RBSN: variants seen among roughly 807,000 people sequenced by gnomAD.
RBSN encodes rabenosyn-5.
RBSN carries 34 observed loss-of-function variants against 60.5 expected under a neutral mutation model. The observed-to-expected ratio is 0.56, with a 90% CI of 0.43 to 0.75. The LOEUF (loss-of-function observed/expected upper bound fraction) is 0.75, where lower values mean the gene tolerates loss of function less well. Ranked by LOEUF, RBSN falls within the 30% of genes least tolerant of loss-of-function variation. The pLI, the probability that RBSN is intolerant of heterozygous loss-of-function variation, is 0.00. For synonymous variants in RBSN, 322 were observed against 366.9 expected, an observed-to-expected ratio of 0.88 and a Z score of 1.40; for missense variants, 845 against 986.8, an observed-to-expected ratio of 0.86 and a Z score of 1.92.
intron 4 of RBSN, chr3:15,091,210 CAAAAAA>C (rs55655564): frequency 0.086 from 9,933 of 115,906 alleles, 394 homozygotes; most frequent in East Asian, 0.43. Flanking sequence ...GACCCTGTCT[CAAAAAA>C]AAAAAAAAAA....
intron 5 of RBSN, among the ~76,000 whole-genome samples, chr3:15,087,523 C>CA (rs1390761227): frequency 6.6e-6 from 1 of 151,246 alleles, no homozygotes; most frequent in Non-Finnish European, 1.5e-5. Flanking sequence ...AACAAACAAA[C>CA]AAAAAACTAT....
chr3:15,073,374 A>G lies in RBSN; in HGVS notation c.*408T>C. On this transcript the variant is annotated 3_prime_UTR_variant, in exon 14 of 14. Coordinates refer to ENST00000253699, the MANE Select transcript of RBSN (RefSeq NM_022340.4). ...GGAAGGGCTCTAAAAAGGCTGCCCT[A>G]TAATACTGCATAAGGAACCAAGACT... The G allele has an allele frequency of 5.6e-6, 1 of 178,628 alleles. No homozygotes were observed. Among genetic ancestry groups the G allele is most frequent in the Non-Finnish European group, 1.2e-5 (1 of 84,198 alleles). 11.1% of individuals were successfully genotyped at this position (178,628 alleles called of 1,614,324 possible). A position where few individuals can be genotyped will look rare whatever the true frequency, so the allele number is the denominator to read the frequency against.
Position 15,073,519 on chromosome 3 carries a change from C to G in RBSN, c.*263G>C, listed in dbSNP as rs2042967608. 2 of 436,298 alleles carry G rather than the reference C, an allele frequency of 4.6e-6. No individual in the cohort carries two copies. The highest frequency in any genetic ancestry group is 4.0e-5 in the South Asian group (1 of 24,796). The allele number at this position is 436,298 out of a possible 1,614,324, so 27.0% of individuals were successfully genotyped here. On this transcript the variant is annotated 3_prime_UTR_variant, in exon 14 of 14. Coordinates refer to ENST00000253699, the MANE Select transcript of RBSN (RefSeq NM_022340.4). ...TAAAGTCCCTTCAAAAGGGGTAAACCTCCGATTACAAAAGATAGTAATAAT... is the reference window on the plus strand; with the variant it reads ...TAAAGTCCCTTCAAAAGGGGTAAACGTCCGATTACAAAAGATAGTAATAAT...
chr3:15,095,662 C>T (rs1394542032), intron 4 of RBSN: 6 of 499,216 alleles, frequency 1.2e-5, no homozygotes, highest in Non-Finnish European at 2.1e-5. Context: ...AAAGAACAGT[C>T]AAGCCAGATC....
chr3:15,093,795 G>A (rs928749421), intron 4 of RBSN, among the ~76,000 whole-genome samples: 9 of 152,158 alleles, frequency 5.9e-5, no homozygotes, highest in East Asian at 1.9e-4. Flanking sequence ...TCAACCTTCC[G>A]GGCTCAAGGG....
In RBSN at chr3:15,074,764, G is replaced by T; in HGVS notation, c.1373C>A (p.Pro458Gln). 3.1e-6 allele frequency: 5 copies of T among 1,614,246 alleles called. No individual in the cohort carries two copies. The highest frequency in any genetic ancestry group is 4.2e-6 in the Non-Finnish European group (5 of 1,180,036). The change falls in exon 14 of 14, where the codon CCG (proline) becomes CAG (glutamine). Residue 458 changes from proline (P) to glutamine (Q), a missense_variant. Transcript: ENST00000253699. The surrounding 1 kb of genome is among the most constrained non-coding windows in gnomAD (Gnocchi z 6.4). ...GATGTTGTGGATCTGCTGGAGGAGC[G>T]GGTCTGAGTCCTCACTCTGCCCCTG... ...GGQGQSEDSD[P>Q]LLQQIHNITS...
chr3:15,093,368 G>A (rs962552251), intron 4 of RBSN, among the ~76,000 whole-genome samples: 2 of 152,180 alleles, frequency 1.3e-5, no homozygotes, highest in Non-Finnish European at 2.9e-5. Flanking sequence ...AGGTAGAGAT[G>A]TCGGGGGTAA....
At chr3:15,095,931 T>C (rs2043644305) in intron 4 of RBSN, 42 bp downstream of exon 4, 1 of 1,614,132 alleles carries the variant, frequency 6.2e-7, no homozygotes, top group Admixed American at 1.7e-5. Context: ...GAGTTAAAGC[T>C]CTCAACGACA....
chr3:15,088,218 C>T (rs1250142966), intron 5 of RBSN, among the ~76,000 whole-genome samples: 1 of 151,656 alleles, frequency 6.6e-6, no homozygotes, highest in Non-Finnish European at 1.5e-5. Flanking sequence ...TTGTGACTGT[C>T]TTCAGTTGCT....
chr3:15,086,176 T>A (rs925026377), intron 5 of RBSN: 1 of 494,598 alleles, frequency 2.0e-6, no homozygotes, highest in African/African-American at 1.9e-5. Context: ...GGCGGGAAGA[T>A]GGCTTGAGCT....
chr3:15,078,140 A>T lies in RBSN; in HGVS notation c.933T>A (p.Ser311Arg). The T allele has an allele frequency of 6.2e-7, 1 of 1,614,174 alleles. No homozygotes were observed. Among genetic ancestry groups the T allele is most frequent in the East Asian group, 2.2e-5 (1 of 44,886 alleles). Residue 311 changes from serine (S) to arginine (R), a missense_variant, in exon 11 of 14, where the codon AGT (serine) becomes AGA (arginine). Coordinates refer to ENST00000253699, the MANE Select transcript of RBSN (RefSeq NM_022340.4). The part of the protein sequence containing the change: ...ASLNAGETTY[S>R]LEHASDLRVE... ...CTCGAAGGTCACTGGCATGTTCCAG[A>T]CTGTAGGTTGTCTCCCCAGCACTAA... is the stretch of plus-strand genomic sequence containing the variant.
Position 15,095,866 on chromosome 3 carries a change from T to G in RBSN, c.148+107A>C, listed in dbSNP as rs768399742. 2.2e-5 allele frequency: 32 copies of G among 1,445,390 alleles called. 1 individual carries two copies. In the South Asian group the frequency reaches 3.8e-4, roughly 17 times the overall value. The allele number at this position is 1,445,390 out of a possible 1,614,324, so 89.5% of individuals were successfully genotyped here. ...TGACAAACACTAGTCATCTGTTTGC[T>G]ACTACTATTATCATATTCCTGTGGC... On this transcript the variant is annotated intron_variant, in intron 4 of 13. Transcript: ENST00000253699.
intron 4 of RBSN, among the ~76,000 whole-genome samples, chr3:15,092,036 G>A: frequency 6.6e-6 from 1 of 151,878 alleles, no homozygotes. Flanking sequence ...TTATTTTTTA[G>A]AGACAGGGTC....
At position 15,071,806 on chromosome 3, in the gene RBSN, A is replaced by C. The variant is rs2042932678; in HGVS notation, c.*1976T>G. The C allele has an allele frequency of 6.5e-6, 1 of 152,676 alleles. No homozygotes were observed. The highest frequency in any genetic ancestry group is 2.4e-5 in the African/African-American group (1 of 41,458). The allele number at this position is 152,676 out of a possible 1,614,324, so 9.5% of individuals were successfully genotyped here. On this transcript the variant is annotated 3_prime_UTR_variant, in exon 14 of 14. Transcript: ENST00000253699. Reference sequence around the variant, plus strand: ...AGCTTTCACACCAGTAACCAGTGAAAGTATGGCCTAGAGCTAGTTACACGG... The same window carrying C: ...AGCTTTCACACCAGTAACCAGTGAACGTATGGCCTAGAGCTAGTTACACGG...
At chr3:15,087,671 T>G (rs114688406) in intron 5 of RBSN, among the ~76,000 whole-genome samples, 1 of 152,302 alleles carries the variant, frequency 6.6e-6, no homozygotes, top group Non-Finnish European at 1.5e-5. Flanking sequence ...CAGACTGGAA[T>G]GCAGTGGCGA....
chr3:15,096,102 G>T lies in RBSN; in HGVS notation c.19C>A (p.Pro7Thr), dbSNP rs2043650364. The change falls in exon 4 of 14, where the codon CCA becomes ACA. Residue 7 changes from proline (P) to threonine (T), a missense_variant. Physicochemically the swap from Pro to Thr is conservative, Grantham distance 38. Coordinates refer to ENST00000253699, the MANE Select transcript of RBSN (RefSeq NM_022340.4). ...AGGAAGCCCTCCCTCACTTCCCCTG[G>T]GTCGTCCAGAGAAGCCATGGCAGTG... is the stretch of plus-strand genomic sequence containing the variant. MASLDD[P>T]GEVREGFLCP... The T allele has an allele frequency of 1.9e-6, 3 of 1,598,368 alleles. No individual in the cohort carries two copies. The highest frequency in any genetic ancestry group is 2.6e-6 in the Non-Finnish European group (3 of 1,172,468).
intron 5 of RBSN, among the ~76,000 whole-genome samples, chr3:15,086,988 G>C (rs928261923): frequency 6.6e-6 from 1 of 152,260 alleles, no homozygotes; most frequent in East Asian, 1.9e-4. Flanking sequence ...TTCATTTATA[G>C]ACTATAATGT....
intron 12 of RBSN, among the ~76,000 whole-genome samples, chr3:15,076,764 G>A (rs1330050669): frequency 6.6e-6 from 1 of 152,066 alleles, no homozygotes; most frequent in Non-Finnish European, 1.5e-5. Context: ...GTTAAAGAAT[G>A]GCATATACAG....
At chr3:15,088,527 G>C (rs1477976258) in intron 5 of RBSN, among the ~76,000 whole-genome samples, 2 of 152,004 alleles carry the variant, frequency 1.3e-5, no homozygotes, top group Non-Finnish European at 2.9e-5. Flanking sequence ...TTACAGGCAT[G>C]TGCCACCACA....
Sources: allele counts gnomAD v4.1 joint callset (sites outside exome capture counted in the v4.1 genomes callset), GRCh38; gene constraint gnomAD v4.1.1; non-coding constraint Gnocchi (gnomAD v3.1); transcripts MANE v1.5; gene names NCBI Gene and HGNC (gene_info 2026-07-23, HGNC 2026-07-21).